ROBO2: variants seen among roughly 807,000 people sequenced by gnomAD.
The protein encoded by ROBO2 is roundabout guidance receptor 2, also known as roundabout homolog 2.
In ROBO2, 53 loss-of-function variants were observed where a neutral mutation model predicts 160.8. That is an observed-to-expected ratio of 0.33 (90% confidence interval 0.26 to 0.41). The LOEUF is 0.41. Ranked by LOEUF, ROBO2 falls within the 10% of genes least tolerant of loss-of-function variation. ROBO2 has a pLI of 1.00. For missense variants in ROBO2, 1,577 were observed against 1,722.4 expected (o/e 0.92, Z 1.49); for synonymous variants, 664 against 611.7 (o/e 1.09, Z -1.26).
At chr3:76,639,671 A>C (rs1019488390) in intron 2 of ROBO2, among the ~76,000 whole-genome samples, 13 of 152,290 alleles carry the variant, frequency 8.5e-5, no homozygotes, top group Middle Eastern at 3.4e-3. Context: ...AGAGGTTGGT[A>C]GAGGGAGAGA....
intron 1 of ROBO2, among the ~76,000 whole-genome samples, chr3:77,041,474 G>C (rs559604155): frequency 2.6e-5 from 4 of 152,300 alleles, no homozygotes; most frequent in African/African-American, 7.2e-5. Flanking sequence ...TCCCCAGTGG[G>C]CAAACACAAT....
intron 2 of ROBO2, among the ~76,000 whole-genome samples, chr3:76,559,493 C>T (rs532426453): frequency 5.9e-5 from 9 of 152,128 alleles, no homozygotes; most frequent in South Asian, 4.2e-4. Flanking sequence ...AAAACTGATA[C>T]GGTTGGTTTT....
chr3:76,013,865 A>G (rs1026257097), intron 2 of ROBO2, among the ~76,000 whole-genome samples: 24 of 151,570 alleles, frequency 1.6e-4, no homozygotes, highest in Non-Finnish European at 2.8e-4. Context: ...TATAAAGGCA[A>G]TTGGCGGCTG....
At chr3:77,573,662 C>G (rs937855529) in intron 13 of ROBO2, among the ~76,000 whole-genome samples, 1 of 151,964 alleles carries the variant, frequency 6.6e-6, no homozygotes, top group Non-Finnish European at 1.5e-5. Flanking sequence ...CTTTTTCCAG[C>G]CACAGGGACT....
chr3:77,564,369 C>A, intron 11 of ROBO2: 1 of 430,660 alleles, frequency 2.3e-6, no homozygotes, highest in Non-Finnish European at 4.6e-6. Context: ...TGAGAAATCA[C>A]AATACTGTAT....
At chr3:77,466,951 C>T (rs942876961) in intron 2 of ROBO2, among the ~76,000 whole-genome samples, 1 of 152,122 alleles carries the variant, frequency 6.6e-6, no homozygotes, top group Admixed American at 6.5e-5. Context: ...AGCAATAACA[C>T]GTTGATACCA....
At chr3:76,049,383 G>GTGTGTATATATATATATATATA (rs1440395230) in intron 2 of ROBO2, among the ~76,000 whole-genome samples, 1 of 36,812 alleles carries the variant, frequency 2.7e-5, no homozygotes, top group African/African-American at 1.1e-4. Context: ...GCTAATTTTA[G>GTGTGTATATATATATATATATA]TATATATATA....
intron 2 of ROBO2, among the ~76,000 whole-genome samples, chr3:77,016,823 C>A (rs961798903): frequency 2.0e-5 from 3 of 152,166 alleles, no homozygotes; most frequent in Non-Finnish European, 4.4e-5. Flanking sequence ...AAGCTCTGAT[C>A]ATTTGAATAT....
intron 2 of ROBO2, among the ~76,000 whole-genome samples, chr3:77,297,622 A>C (rs1170673382): frequency 1.3e-5 from 2 of 152,118 alleles, no homozygotes; most frequent in Admixed American, 6.6e-5. Context: ...CGTTTTCAAA[A>C]GTCAGTCTCT....
chr3:76,862,620 A>T (rs2070912579), intron 2 of ROBO2, among the ~76,000 whole-genome samples: 1 of 152,004 alleles, frequency 6.6e-6, no homozygotes, highest in Admixed American at 6.6e-5. Flanking sequence ...GTCTTCAGAG[A>T]TATGGATATT....
At chr3:76,652,477 G>A (rs1156917770) in intron 2 of ROBO2, among the ~76,000 whole-genome samples, 1 of 152,034 alleles carries the variant, frequency 6.6e-6, no homozygotes, top group South Asian at 2.1e-4. Context: ...ACCACATTCT[G>A]TCCTCTTTAC....
At chr3:77,649,302 T>C (rs1205596304) in exon 26 of ROBO2, 1 of 152,214 alleles carries the variant, frequency 6.6e-6, no homozygotes, top group East Asian at 1.9e-4. Context: ...TATTTAAATA[T>C]GTTTTCAACA....
chr3:77,452,029 TTG>T (rs1196389473), intron 2 of ROBO2, among the ~76,000 whole-genome samples: 1 of 152,136 alleles, frequency 6.6e-6, no homozygotes, highest in African/African-American at 2.4e-5. Flanking sequence ...GTTTGGTTTT[TTG>T]TCCTTGGGAT....
In ROBO2 at chr3:77,362,990, A is replaced by G. The variant is rs369530775; in HGVS notation, c.389-114424A>G. On this transcript the variant is annotated intron_variant, in intron 2 of 25. Transcript: ENST00000461745. ...ACAACATGTGGGAATTGCAGGAGCT[A>G]CAATTCAAGATGAGATTTGGGTGGG... Among the ~76,000 whole-genome samples, 10 of 152,302 alleles carry G rather than the reference A, an allele frequency of 6.6e-5. No individual in the cohort carries two copies. The East Asian group carries it at 1.9e-3, about 29-fold the overall frequency.
At chr3:76,654,457 A>T (rs973005997) in intron 2 of ROBO2, among the ~76,000 whole-genome samples, 2 of 152,160 alleles carry the variant, frequency 1.3e-5, no homozygotes, top group Non-Finnish European at 2.9e-5. Context: ...ACATGTTTTA[A>T]TCAGTGCATC....
At chr3:77,253,543 G>A (rs527419819) in intron 2 of ROBO2, among the ~76,000 whole-genome samples, 1 of 152,252 alleles carries the variant, frequency 6.6e-6, no homozygotes, top group Admixed American at 6.5e-5. Flanking sequence ...CTGTCCCAAT[G>A]TGAAACAAAG....
chr3:76,195,825 C>T (rs1007739194), intron 2 of ROBO2, among the ~76,000 whole-genome samples: 1 of 152,132 alleles, frequency 6.6e-6, no homozygotes, highest in African/African-American at 2.4e-5. Context: ...AGGACAGCTG[C>T]AAATGGATGC....
At chr3:77,504,997 A>T (rs1418153124) in intron 5 of ROBO2, among the ~76,000 whole-genome samples, 2 of 152,224 alleles carry the variant, frequency 1.3e-5, no homozygotes. Context: ...GCGTGGGCCA[A>T]CAATTAGTGA....
At chr3:77,546,546 T>G in intron 7 of ROBO2, 84 bp downstream of exon 8, 8 of 1,500,414 alleles carry the variant, frequency 5.3e-6, no homozygotes, top group Non-Finnish European at 7.4e-6. Context: ...TTGCTTCTCT[T>G]GTTCTCAATG....
Sources: allele counts gnomAD v4.1 joint callset (sites outside exome capture counted in the v4.1 genomes callset), GRCh38; gene constraint gnomAD v4.1.1; transcripts MANE v1.5; gene names NCBI Gene and HGNC (gene_info 2026-07-23, HGNC 2026-07-21).